FGF12: variants seen among roughly 807,000 people sequenced by gnomAD.
The protein encoded by FGF12 is fibroblast growth factor 12.
FGF12 carries 14 observed loss-of-function variants against 23.6 expected under a neutral mutation model. The observed-to-expected ratio is 0.59, with a 90% confidence interval of 0.39 to 0.93. FGF12 has a LOEUF of 0.93. Among genes scored for constraint, FGF12 ranks in the 40% least tolerant of loss-of-function variants. FGF12 has a pLI of 0.00. For missense variants in FGF12, 175 were observed against 217.8 expected (o/e 0.80, Z 1.24); for synonymous variants, 62 against 77.3 (o/e 0.80, Z 1.04).
intron 4 of FGF12, among the ~76,000 whole-genome samples, chr3:192,252,584 A>G (rs999684240): frequency 6.6e-6 from 1 of 151,370 alleles, no homozygotes; most frequent in Non-Finnish European, 1.5e-5. Flanking sequence ...ATAAAAATGT[A>G]TGTACCTATG....
At chr3:192,297,884 G>A (rs1404324628) in intron 4 of FGF12, among the ~76,000 whole-genome samples, 1 of 152,112 alleles carries the variant, frequency 6.6e-6, no homozygotes, top group Non-Finnish European at 1.5e-5. Flanking sequence ...TTTCTCGAAA[G>A]CTCACTTCTG....
chr3:192,552,891 A>C (rs1017730973), intron 2 of FGF12, among the ~76,000 whole-genome samples: 9 of 152,152 alleles, frequency 5.9e-5, no homozygotes, highest in African/African-American at 2.2e-4. Flanking sequence ...ACTCTGTCTC[A>C]AAAACAAAAA....
At chr3:192,165,039 A>C (rs76076426) in intron 5 of FGF12, among the ~76,000 whole-genome samples, 10,547 of 151,514 alleles carry the variant, frequency 0.07, 443 homozygotes, top group African/African-American at 0.11. Flanking sequence ...GCAAACTCCG[A>C]CTCCCTGGGT....
At chr3:192,467,149 A>G (rs1163805719) in intron 2 of FGF12, among the ~76,000 whole-genome samples, 1 of 152,216 alleles carries the variant, frequency 6.6e-6, no homozygotes, top group Non-Finnish European at 1.5e-5. Context: ...GAATTTTTTC[A>G]GTTATTCAAA....
At chr3:192,435,951 A>C (rs1722011063) in intron 2 of FGF12, among the ~76,000 whole-genome samples, 1 of 152,208 alleles carries the variant, frequency 6.6e-6, no homozygotes, top group Non-Finnish European at 1.5e-5. Flanking sequence ...TTTGAAGAAT[A>C]TTTTTTGAAA....
chr3:192,640,888 CT>C (rs548035319), intron 2 of FGF12, among the ~76,000 whole-genome samples: 117 of 152,144 alleles, frequency 7.7e-4, no homozygotes, highest in African/African-American at 2.7e-3. Flanking sequence ...TCATGGCTCA[CT>C]GCCCCCTCAA....
intron 2 of FGF12, among the ~76,000 whole-genome samples, chr3:192,579,549 A>G (rs1277495770): frequency 2.0e-5 from 3 of 152,116 alleles, no homozygotes; most frequent in African/African-American, 7.2e-5. Context: ...TGTAAACCAC[A>G]TGTTATTATT....
chr3:192,660,269 CA>C (rs1440707108), intron 2 of FGF12, among the ~76,000 whole-genome samples: 1 of 149,042 alleles, frequency 6.7e-6, no homozygotes, highest in African/African-American at 2.5e-5. Flanking sequence ...GACAAAAAAC[CA>C]AACACCTCAT....
chr3:192,271,056 A>G (rs4686602), intron 4 of FGF12, among the ~76,000 whole-genome samples: 55,272 of 151,964 alleles, frequency 0.36, 11,136 homozygotes, highest in East Asian at 0.9. Context: ...AAATCAATCA[A>G]TTAGACATTG....
At chr3:192,276,376 C>T (rs1454753400) in intron 4 of FGF12, among the ~76,000 whole-genome samples, 6 of 152,162 alleles carry the variant, frequency 3.9e-5, no homozygotes, top group African/African-American at 9.7e-5. Context: ...CATCATCCAG[C>T]GCAAATCACA....
intron 5 of FGF12, among the ~76,000 whole-genome samples, chr3:192,158,401 CTT>C (rs752815318): frequency 7.7e-4 from 32 of 41,548 alleles, no homozygotes; most frequent in African/African-American, 3.0e-3. Flanking sequence ...CTCTCTCTTT[CTT>C]TTTCTTTCTT....
intron 2 of FGF12, among the ~76,000 whole-genome samples, chr3:192,526,461 GAGGCAC>G (rs1724948176): frequency 6.6e-6 from 1 of 152,142 alleles, no homozygotes; most frequent in Non-Finnish European, 1.5e-5. Flanking sequence ...AGGAAATGCT[GAGGCAC>G]TTATCACATC....
At chr3:192,598,155 T>C (rs1713942589) in intron 2 of FGF12, among the ~76,000 whole-genome samples, 1 of 152,194 alleles carries the variant, frequency 6.6e-6, no homozygotes, top group African/African-American at 2.4e-5. Flanking sequence ...TACTGCATAA[T>C]TGCAGATGTA....
At chr3:192,708,463 T>C (rs565508443) in intron 2 of FGF12, among the ~76,000 whole-genome samples, 14 of 152,358 alleles carry the variant, frequency 9.2e-5, no homozygotes, top group African/African-American at 3.4e-4. Context: ...GAGGGCTTTA[T>C]AGTACTCACT....
chr3:192,314,151 C>T (rs1284624628), intron 4 of FGF12, among the ~76,000 whole-genome samples: 1 of 152,104 alleles, frequency 6.6e-6, no homozygotes, highest in Non-Finnish European at 1.5e-5. Flanking sequence ...GCTCACCAGC[C>T]TCCAGAACTG....
In FGF12 at chr3:192,669,602, TAA is replaced by T. The variant is rs59897483; in HGVS notation, c.13+57577_13+57578del. ...CTGGAGACAGAGAAAGACTCTGTCT[TAA>T]AAAAAAAAAAAAAAAAAAAAAAAAA... On this transcript the variant is annotated intron_variant, in intron 2 of 5. Transcript: ENST00000445105. Among the ~76,000 whole-genome samples, 170 of 59,518 alleles carry T rather than the reference TAA, an allele frequency of 2.9e-3. 2 individuals are homozygous for T. Among genetic ancestry groups the T allele is most frequent in the African/African-American group, 3.2e-3 (51 of 16,026 alleles). 39.0% of individuals were successfully genotyped at this position (59,518 alleles called of 152,430 possible). A position where few individuals can be genotyped will look rare whatever the true frequency, so the allele number is the denominator to read the frequency against.
chr3:192,305,205 G>A (rs189870286), intron 4 of FGF12, among the ~76,000 whole-genome samples: 1 of 152,186 alleles, frequency 6.6e-6, no homozygotes, highest in Non-Finnish European at 1.5e-5. Flanking sequence ...TTCAGATACA[G>A]TATAACACTG....
intron 2 of FGF12, among the ~76,000 whole-genome samples, chr3:192,683,116 A>G (rs1034679744): frequency 6.6e-6 from 1 of 152,174 alleles, no homozygotes; most frequent in African/African-American, 2.4e-5. Context: ...GTTTTAATGA[A>G]TTATCTAACC....
rs543991834 is a variant in FGF12, at chr3:192,417,498, T to C, written c.14-56960A>G. On this transcript the variant is annotated intron_variant, in intron 2 of 5. Coordinates refer to ENST00000445105, the MANE Select transcript of FGF12 (RefSeq NM_004113.6). ...GAATATAAGATAGACACTGTAAGCA[T>C]GTGTTGATTTTTAACTTTGACTTAA... is the stretch of plus-strand genomic sequence containing the variant. Among the ~76,000 whole-genome samples the C allele has an allele frequency of 7.2e-5, 11 of 152,190 alleles. No individual in the cohort carries two copies. In the East Asian group the frequency reaches 2.1e-3, roughly 29 times the overall value.
Sources: allele counts gnomAD v4.1 joint callset (sites outside exome capture counted in the v4.1 genomes callset), GRCh38; gene constraint gnomAD v4.1.1; transcripts MANE v1.5; gene names NCBI Gene and HGNC (gene_info 2026-07-23, HGNC 2026-07-21).